The following KPNA3 variants were observed in gnomAD, a reference collection of about 807,000 sequenced individuals.
KPNA3 encodes importin subunit alpha-4.
A neutral mutation model predicts 73.8 loss-of-function variants in KPNA3; 13 were observed. That is an observed-to-expected ratio of 0.18 (90% CI 0.11 to 0.28). The LOEUF is 0.28. Ranked by LOEUF, KPNA3 falls within the 10% of genes least tolerant of loss-of-function variation. The pLI, the probability that KPNA3 is intolerant of heterozygous loss-of-function variation, is 1.00. For missense variants in KPNA3, 360 were observed against 618.1 expected (o/e 0.58, Z 4.43); for synonymous variants, 186 against 206.9 (o/e 0.90, Z 0.87).
At chr13:49,730,457 T>C (rs1326043838) in intron 6 of KPNA3, among the ~76,000 whole-genome samples, 1 of 120,832 alleles carries the variant, frequency 8.3e-6, no homozygotes, top group Non-Finnish European at 1.6e-5. Context: ...GAGGCAGACA[T>C]TGCAGTGAGC....
At chr13:49,728,157 C>A (rs1954428566) in intron 6 of KPNA3, among the ~76,000 whole-genome samples, 2 of 151,820 alleles carry the variant, frequency 1.3e-5, no homozygotes, top group Non-Finnish European at 2.9e-5. Flanking sequence ...ATGGTGTGAA[C>A]CCAGGAGGCG....
chr13:49,746,701 T>C (rs905182121), intron 2 of KPNA3, among the ~76,000 whole-genome samples: 7 of 152,204 alleles, frequency 4.6e-5, no homozygotes, highest in Admixed American at 4.6e-4. Context: ...AAAGAGGATG[T>C]CAAAGAAAAT....
intron 12 of KPNA3, among the ~76,000 whole-genome samples, chr13:49,707,294 C>G (rs972212109): frequency 6.6e-6 from 1 of 152,166 alleles, no homozygotes; most frequent in Non-Finnish European, 1.5e-5. Context: ...TCCTCTTCCA[C>G]AAATGAATTT....
intron 1 of KPNA3, among the ~76,000 whole-genome samples, chr13:49,747,599 T>A (rs983292493): frequency 6.6e-6 from 1 of 152,162 alleles, no homozygotes; most frequent in African/African-American, 2.4e-5. Flanking sequence ...CGCTCAAGAA[T>A]CGCTTGAACC....
At chr13:49,757,699 C>T (rs1575387) in intron 1 of KPNA3, among the ~76,000 whole-genome samples, 36,317 of 152,010 alleles carry the variant, frequency 0.24, 5,164 homozygotes, top group Non-Finnish European at 0.32. Flanking sequence ...TCTACACACA[C>T]ACACACACAC....
At chr13:49,709,892 GAA>G (rs34513990) in intron 11 of KPNA3, among the ~76,000 whole-genome samples, 192 bp from the exon 12 acceptor site, 2 of 147,978 alleles carry the variant, frequency 1.4e-5, no homozygotes, top group South Asian at 2.2e-4. Context: ...GAAACTTTAT[GAA>G]AAAAAAAAAT....
intron 7 of KPNA3, among the ~76,000 whole-genome samples, chr13:49,723,330 G>C (rs12876889): frequency 0.22 from 32,682 of 152,002 alleles, 4,471 homozygotes; most frequent in Non-Finnish European, 0.32. Context: ...CTAACACTCT[G>C]GGAGGCCGAG....
chr13:49,749,339 T>C (rs1315942807), intron 1 of KPNA3, among the ~76,000 whole-genome samples: 3 of 152,242 alleles, frequency 2.0e-5, no homozygotes, highest in African/African-American at 7.2e-5. Context: ...ACTGGTTTGA[T>C]ACTCTGCATA....
At chr13:49,770,661 T>C (rs1954845744) in intron 1 of KPNA3, among the ~76,000 whole-genome samples, 1 of 152,152 alleles carries the variant, frequency 6.6e-6, no homozygotes, top group Non-Finnish European at 1.5e-5. Context: ...TTTTAGTTTT[T>C]ACATGTATAT....
At chr13:49,725,625 A>C in intron 6 of KPNA3, 124 bp from the exon 7 acceptor site, 1 of 524,162 alleles carries the variant, frequency 1.9e-6, no homozygotes, top group Non-Finnish European at 3.2e-6. Context: ...TTATAATCCA[A>C]TTGCCTGCTA....
chr13:49,734,015 T>G (rs1370139616), intron 2 of KPNA3, among the ~76,000 whole-genome samples: 1 of 152,252 alleles, frequency 6.6e-6, no homozygotes, highest in African/African-American at 2.4e-5. Flanking sequence ...TGTTTTAAGC[T>G]ACATAGTTTG....
intron 2 of KPNA3, among the ~76,000 whole-genome samples, chr13:49,737,762 A>G (rs1345846814): frequency 6.6e-6 from 1 of 152,084 alleles, no homozygotes; most frequent in Admixed American, 6.6e-5. Context: ...GTGTTATGCC[A>G]CTGCACCTGG....
chr13:49,790,312 A>T (rs1463417868), intron 1 of KPNA3, among the ~76,000 whole-genome samples: 3 of 152,178 alleles, frequency 2.0e-5, no homozygotes, highest in Admixed American at 1.3e-4. Flanking sequence ...AAAAAAGATT[A>T]AAAAATTAGC....
chr13:49,727,519 G>A (rs923642352), intron 6 of KPNA3, among the ~76,000 whole-genome samples: 19 of 151,496 alleles, frequency 1.3e-4, no homozygotes, highest in Middle Eastern at 3.2e-3. Context: ...GTTTTAAGGA[G>A]AATAGATGTC....
chr13:49,775,556 A>G (rs1419819280), intron 1 of KPNA3, among the ~76,000 whole-genome samples: 2 of 152,106 alleles, frequency 1.3e-5, no homozygotes, highest in African/African-American at 4.8e-5. Context: ...TGCTTTTCTA[A>G]CTTATACATC....
chr13:49,777,415 T>C (rs1346577721), intron 1 of KPNA3, among the ~76,000 whole-genome samples: 1 of 152,204 alleles, frequency 6.6e-6, no homozygotes, highest in East Asian at 1.9e-4. Context: ...ATATAACCTA[T>C]GCACTCCTCC....
At position 49,742,009 on chromosome 13, in the gene KPNA3, T is replaced by C. The variant is rs370273789; in HGVS notation, c.114+4940A>G. On this transcript the variant is annotated intron_variant, in intron 2 of 16. Transcript: ENST00000261667. ...GATTTTCCCCTGTGTTTTCTTCCAG[T>C]AGTTTTACAGTTTCACATCTTATGT... Among the ~76,000 whole-genome samples, 11 of 152,356 alleles carry C rather than the reference T, an allele frequency of 7.2e-5. No homozygotes were observed. The South Asian group carries it at 2.3e-3, about 32-fold the overall frequency.
chr13:49,762,380 C>T (rs149457612), intron 1 of KPNA3, among the ~76,000 whole-genome samples: 16,840 of 152,100 alleles, frequency 0.11, 1,162 homozygotes, highest in South Asian at 0.26. Flanking sequence ...AACAGCTCAT[C>T]GAGAACGGGC....
At chr13:49,747,284 T>C (rs1594448221) in intron 1 of KPNA3, among the ~76,000 whole-genome samples, 2 of 151,336 alleles carry the variant, frequency 1.3e-5, no homozygotes, top group Non-Finnish European at 2.9e-5. Flanking sequence ...GGCGGGGGGA[T>C]GCAGCAAGCC....
Sources: allele counts gnomAD v4.1 joint callset (sites outside exome capture counted in the v4.1 genomes callset), GRCh38; gene constraint gnomAD v4.1.1; transcripts MANE v1.5; gene names NCBI Gene and HGNC (gene_info 2026-07-23, HGNC 2026-07-21).